The following SH3BP1 variants were observed in gnomAD, a reference collection of about 807,000 sequenced individuals.
The protein encoded by SH3BP1 is SH3 domain-binding protein 1.
A neutral mutation model predicts 69.8 loss-of-function variants in SH3BP1; 46 were observed. That is an observed-to-expected ratio of 0.66 (90% confidence interval 0.52 to 0.84). The LOEUF (loss-of-function observed/expected upper bound fraction) is 0.84, where lower values mean the gene tolerates loss of function less well. SH3BP1 is among the 40% of genes least tolerant of loss of function. The pLI is 0.00. For missense variants in SH3BP1, 868 were observed against 930.9 expected (o/e 0.93, Z 0.88); for synonymous variants, 403 against 378.0 (o/e 1.07, Z -0.77).
rs745885924 is a variant in SH3BP1 at position 37,639,769 on chromosome 22, C to A, written c.-19C>A. 3 of 1,489,708 alleles carry A rather than the reference C, an allele frequency of 2.0e-6. No homozygotes were observed. Among genetic ancestry groups the A allele is most frequent in the Middle Eastern group, 2.0e-4 (1 of 5,018 alleles). 92.3% of individuals were successfully genotyped at this position (1,489,708 alleles called of 1,614,324 possible). ...CGCGACCCCCGCCGTGACCCCGCAG[C>A]CCCCAGCTCGCCCCCAAGATGATGA... On this transcript the variant is annotated 5_prime_UTR_variant, in exon 1 of 18. Transcript: ENST00000649765.
chr22:37,642,680 G>C lies in SH3BP1; in HGVS notation c.284+65G>C, dbSNP rs775817677. The C allele has an allele frequency of 6.8e-6, 11 of 1,611,266 alleles. No homozygotes were observed. The South Asian group carries it at 1.2e-4, about 18-fold the overall frequency. On this transcript the variant is annotated intron_variant, in intron 4 of 17. Transcript: ENST00000649765. ...AAGACGTGATCTCAGCTGGGAGGGG[G>C]TCCAGGTGGTGAGGGCATCCACATC...
intron 1 of SH3BP1, 170 bp from the exon 2 acceptor site, chr22:37,640,956 C>T: frequency 1.6e-6 from 1 of 627,702 alleles, no homozygotes; most frequent in African/African-American, 1.8e-5. Flanking sequence ...ATGGAATGTG[C>T]TCCGACTGGG....
chr22:37,648,504 T>C, intron 14 of SH3BP1, 69 bp downstream of exon 14: 1 of 1,112,676 alleles, frequency 9.0e-7, no homozygotes, highest in Non-Finnish European at 1.3e-6. Flanking sequence ...CTGTTGTCTA[T>C]TTTTCCCCGG....
Position 37,641,111 on chromosome 22 carries a change from C to G in SH3BP1, c.60-15C>G, listed in dbSNP as rs996550587. ...GCAGAAGCACTCTCCCCCCCCCCCCCACCACTCCCCGCAGCACCCCGGAGA... is the reference window on the plus strand; with the variant it reads ...GCAGAAGCACTCTCCCCCCCCCCCCGACCACTCCCCGCAGCACCCCGGAGA... On this transcript the variant is annotated splice_polypyrimidine_tract_variant and intron_variant, in intron 1 of 17. Coordinates refer to ENST00000649765, the MANE Select transcript of SH3BP1 (RefSeq NM_018957.6). 45 of 1,359,392 alleles carry G rather than the reference C, an allele frequency of 3.3e-5. No individual in the cohort carries two copies. The highest frequency in any genetic ancestry group is 1.5e-4 in the Admixed American group (7 of 48,164). 84.2% of individuals were successfully genotyped at this position (1,359,392 alleles called of 1,614,324 possible).
At position 37,655,806 on chromosome 22, in the gene SH3BP1, G is replaced by A. The variant is rs1404883614; in HGVS notation, c.*122G>A. ...CCAGCCTTTGCCCACAAGTGCCTCAGTGCCCACTGGGTCGGCCCCCATGGC... is the reference window on the plus strand; with the variant it reads ...CCAGCCTTTGCCCACAAGTGCCTCAATGCCCACTGGGTCGGCCCCCATGGC... On this transcript the variant is annotated 3_prime_UTR_variant, in exon 18 of 18. Coordinates refer to ENST00000649765, the MANE Select transcript of SH3BP1 (RefSeq NM_018957.6). 35 of 1,455,260 alleles carry A rather than the reference G, an allele frequency of 2.4e-5. No individual in the cohort carries two copies. In the South Asian group the frequency reaches 4.9e-4, roughly 20 times the overall value. 90.1% of individuals were successfully genotyped at this position (1,455,260 alleles called of 1,614,324 possible).
Position 37,644,932 on chromosome 22 carries a change from T to C in SH3BP1, c.750T>C (p.Ala250=). 6.2e-7 allele frequency: 1 copy of C among 1,614,010 alleles called. No homozygotes were observed. The highest frequency in any genetic ancestry group is 8.5e-7 in the Non-Finnish European group (1 of 1,180,022). ...RSLSSLDTAL[A]ELRENHGQAD... ...TGAGCTCGCTGGACACAGCCCTGGC[T>C]GAGCTGAGGGAGAACCACGGCCAAG... is the stretch of plus-strand genomic sequence containing the variant. The change falls in exon 9 of 18, where the codon GCT becomes GCC. Residue 250 remains alanine, a synonymous_variant. Transcript: ENST00000649765.
chr22:37,646,437 G>A lies in SH3BP1; in HGVS notation c.925-381G>A, dbSNP rs531853260. On this transcript the variant is annotated intron_variant, in intron 10 of 17. Coordinates refer to ENST00000649765, the MANE Select transcript of SH3BP1 (RefSeq NM_018957.6). The stretch of plus-strand genomic sequence containing the variant: ...TGCCCAGCTAATTTTTTTTATTTTA[G>A]TAGAAATGGGATTTCACCATGTTGG... Among the ~76,000 whole-genome samples, 153 of 150,572 alleles carry A rather than the reference G, an allele frequency of 1.0e-3. 1 individual carries two copies. The highest frequency in any genetic ancestry group is 3.6e-3 in the African/African-American group (149 of 40,866).
At chr22:37,644,838 C>T (rs773591535) in intron 8 of SH3BP1, 32 bp from the exon 9 acceptor site, 1 of 1,612,258 alleles carries the variant, frequency 6.2e-7, no homozygotes, top group East Asian at 2.2e-5. Flanking sequence ...GCTTCCCCCA[C>T]TTCCGCTCAG....
intron 14 of SH3BP1, chr22:37,648,643 G>T: frequency 1.9e-6 from 1 of 531,378 alleles, no homozygotes; most frequent in Non-Finnish European, 3.4e-6. Context: ...ATTTTGGCCA[G>T]TGGTGGTGAT....
chr22:37,650,139 C>T lies in SH3BP1; in HGVS notation c.1317-13C>T. ...CAAACCCTTTGCTGAGCAGATGCATCTCTTTGTCCCAGGGACCAGGCCCAG... is the reference window on the plus strand; with the variant it reads ...CAAACCCTTTGCTGAGCAGATGCATTTCTTTGTCCCAGGGACCAGGCCCAG... On this transcript the variant is annotated splice_polypyrimidine_tract_variant and intron_variant, in intron 14 of 17. Transcript: ENST00000649765. 1 of 1,614,102 alleles carries T rather than the reference C, an allele frequency of 6.2e-7. No homozygotes were observed.
chr22:37,655,746 G>T lies in SH3BP1; in HGVS notation c.*62G>T. ...CTCCCTCCCCACCTGGCCCTCCCAG[G>T]ACAGCTCTCGCCCCCCACAAAGGGG... On this transcript the variant is annotated 3_prime_UTR_variant, in exon 18 of 18. Transcript: ENST00000649765. The T allele has an allele frequency of 6.9e-7, 1 of 1,447,208 alleles. No individual in the cohort carries two copies. The allele number at this position is 1,447,208 out of a possible 1,614,324, so 89.6% of individuals were successfully genotyped here.
intron 8 of SH3BP1, 81 bp from the exon 9 acceptor site, chr22:37,644,789 G>C: frequency 6.2e-7 from 1 of 1,604,166 alleles, no homozygotes; most frequent in African/African-American, 1.3e-5. Flanking sequence ...TAAGATGGTG[G>C]AGGGGGCGTC....
intron 6 of SH3BP1, 98 bp downstream of exon 6, chr22:37,643,272 G>A: frequency 9.2e-7 from 1 of 1,089,188 alleles, no homozygotes; most frequent in Non-Finnish European, 1.4e-6. Context: ...GGATGCTGTG[G>A]GGTCTGCTGA....
At chr22:37,641,277 A>G (rs1932582329) in intron 2 of SH3BP1, 97 bp from the exon 3 acceptor site, 1 of 1,509,802 alleles carries the variant, frequency 6.6e-7, no homozygotes, top group Non-Finnish European at 9.0e-7. Context: ...TCATTCCTCA[A>G]GCTGTTGGCC....
chr22:37,643,103 G>C lies in SH3BP1; in HGVS notation c.402G>C (p.Glu134Asp). The C allele has an allele frequency of 6.2e-7, 1 of 1,611,030 alleles. No homozygotes were observed. Among genetic ancestry groups the C allele is most frequent in the Non-Finnish European group, 8.5e-7 (1 of 1,178,828 alleles). ...LQPLSRLSEE[E>D]LPAILKHKKS... ...CCCCCCATGCCCATCCCCAGGAGGA[G>C]CTGCCAGCCATCCTCAAACACAAGA... Residue 134 changes from glutamate (E) to aspartate (D), a missense_variant, in exon 6 of 18, where the codon GAG becomes GAC. Transcript: ENST00000649765.
At chr22:37,645,317 G>A in intron 9 of SH3BP1, 48 bp from the exon 10 acceptor site, 1 of 1,570,182 alleles carries the variant, frequency 6.4e-7, no homozygotes, top group Non-Finnish European at 8.7e-7. Flanking sequence ...CTGCCTGACT[G>A]CTCGGGGTGG....
intron 1 of SH3BP1, 68 bp downstream of exon 1, chr22:37,639,914 G>T: frequency 1.6e-6 from 2 of 1,245,166 alleles, no homozygotes; most frequent in South Asian, 1.4e-5. Context: ...AAAGGGTCGG[G>T]GGAGACGGGG....
chr22:37,649,205 G>A (rs530772451), intron 14 of SH3BP1, among the ~76,000 whole-genome samples: 34 of 152,276 alleles, frequency 2.2e-4, no homozygotes, highest in African/African-American at 7.2e-4. Context: ...ACTGTGAAGT[G>A]CAAGCCAGGT....
intron 4 of SH3BP1, 128 bp downstream of exon 4, chr22:37,642,743 T>G: frequency 6.2e-7 from 1 of 1,602,018 alleles, no homozygotes; most frequent in Admixed American, 1.7e-5. Context: ...CCCAGGTCAG[T>G]GAGGGTGGCC....
Sources: gnomAD v4.1 joint callset for allele counts (sites outside exome capture counted in the v4.1 genomes callset) on GRCh38, gnomAD v4.1.1 for gene constraint, MANE v1.5 for transcripts, NCBI Gene and HGNC (gene_info 2026-07-23, HGNC 2026-07-21) for gene names.